NTN1: variants seen among roughly 807,000 people sequenced by gnomAD.
NTN1 encodes netrin-1.
Under a neutral mutation model 54.2 loss-of-function variants are expected in NTN1, and 11 were observed. The ratio of observed to expected loss-of-function variants is 0.20; its 90% confidence interval spans 0.13 to 0.34. NTN1 has a LOEUF of 0.34. Among genes scored for constraint, NTN1 ranks in the 10% least tolerant of loss-of-function variants. NTN1 has a pLI of 1.00. For missense variants in NTN1, 740 were observed against 893.1 expected, an observed-to-expected ratio of 0.83 and a Z score of 2.18; for synonymous variants, 371 against 382.0, an observed-to-expected ratio of 0.97 and a Z score of 0.33.
intron 2 of NTN1, among the ~76,000 whole-genome samples, chr17:9,103,770 G>T (rs1242146761): frequency 1.3e-5 from 2 of 151,910 alleles, no homozygotes; most frequent in East Asian, 3.9e-4. Flanking sequence ...GTTATGCTTG[G>T]TGAAAAAAGC....
the NTN1 span, among the ~76,000 whole-genome samples, chr17:9,007,282 CCCTT>C: frequency 9.4e-5 from 13 of 138,904 alleles, no homozygotes; most frequent in African/African-American, 3.0e-4. Context: ...TTTCTTTCAT[CCCTT>C]CCTTCCTTCT....
At chr17:9,055,064 G>A (rs1260018026) in intron 2 of NTN1, among the ~76,000 whole-genome samples, 4 of 152,174 alleles carry the variant, frequency 2.6e-5, no homozygotes, top group Non-Finnish European at 5.9e-5. Context: ...AGTAGAGGCT[G>A]GACTGGAATT....
At chr17:9,232,987 C>G (rs1387112524) in intron 6 of NTN1, among the ~76,000 whole-genome samples, 1 of 152,092 alleles carries the variant, frequency 6.6e-6, no homozygotes, top group East Asian at 1.9e-4. Context: ...TTCTCCCCCT[C>G]ATTTGTCCTG....
chr17:9,141,480 A>G (rs1415620810), intron 2 of NTN1, among the ~76,000 whole-genome samples: 2 of 152,144 alleles, frequency 1.3e-5, no homozygotes, highest in African/African-American at 2.4e-5. Flanking sequence ...AATATGGCAG[A>G]CTTAGGTGGC....
intron 2 of NTN1, among the ~76,000 whole-genome samples, chr17:9,082,060 T>TTTTG (rs1207274249): frequency 2.2e-4 from 34 of 152,108 alleles, no homozygotes; most frequent in African/African-American, 8.0e-4. Context: ...AATCTTGTTT[T>TTTTG]TTTGTTTGTT....
At chr17:9,150,092 A>G (rs1431007611) in intron 2 of NTN1, among the ~76,000 whole-genome samples, 2 of 151,976 alleles carry the variant, frequency 1.3e-5, no homozygotes, top group East Asian at 3.9e-4. Flanking sequence ...ATCCTCAGCT[A>G]CTTGGGAGGC....
chr17:9,128,079 T>G (rs550970944), intron 2 of NTN1, among the ~76,000 whole-genome samples: 1 of 151,994 alleles, frequency 6.6e-6, no homozygotes, highest in Non-Finnish European at 1.5e-5. Flanking sequence ...ATTGCGCCAC[T>G]GCACTCCAGC....
intron 2 of NTN1, among the ~76,000 whole-genome samples, chr17:9,131,350 T>C (rs1425685853): frequency 6.6e-6 from 1 of 152,208 alleles, no homozygotes; most frequent in African/African-American, 2.4e-5. Context: ...TTCTCTTCAA[T>C]CACGAGAAAC....
intron 2 of NTN1, among the ~76,000 whole-genome samples, chr17:9,117,771 C>CAAAAAA (rs11414930): frequency 7.9e-6 from 1 of 126,782 alleles, no homozygotes. Context: ...ACAAAAAAAC[C>CAAAAAA]AAAAAAAAAA....
intron 2 of NTN1, among the ~76,000 whole-genome samples, chr17:9,079,541 G>A (rs778937970): frequency 2.0e-5 from 3 of 152,220 alleles, no homozygotes; most frequent in Non-Finnish European, 4.4e-5. Context: ...TTCCCCAGCG[G>A]ACCTATTTTC....
chr17:9,115,890 G>C (rs943412473), intron 2 of NTN1, among the ~76,000 whole-genome samples: 1 of 152,256 alleles, frequency 6.6e-6, no homozygotes, highest in Admixed American at 6.5e-5. Context: ...AAGGGATTTC[G>C]TGTTTCTCCC....
intron 5 of NTN1, among the ~76,000 whole-genome samples, chr17:9,220,734 C>A (rs1250827425): frequency 6.6e-6 from 1 of 152,024 alleles, no homozygotes; most frequent in African/African-American, 2.4e-5. Context: ...GAGGCCTGAC[C>A]CCAGCCAGAG....
At chr17:9,202,133 C>G (rs1036956600) in intron 5 of NTN1, among the ~76,000 whole-genome samples, 4 of 144,264 alleles carry the variant, frequency 2.8e-5, no homozygotes, top group Non-Finnish European at 6.0e-5. Context: ...CCCAGCTACT[C>G]AGGAGGCTGA....
intron 2 of NTN1, among the ~76,000 whole-genome samples, chr17:9,154,543 T>A (rs4791803): frequency 6.6e-6 from 1 of 151,896 alleles, no homozygotes; most frequent in Admixed American, 6.6e-5. Context: ...AGGAGCCCTT[T>A]GAGAGGTTGG....
At chr17:9,213,836 T>C (rs544620030) in intron 5 of NTN1, among the ~76,000 whole-genome samples, 1 of 152,350 alleles carries the variant, frequency 6.6e-6, no homozygotes, top group South Asian at 2.1e-4. Flanking sequence ...TCCATGTCTC[T>C]TACTCAGTTT....
rs1452302783 is a variant in NTN1 at position 9,243,808 on chromosome 17, CTAATA to C, written c.*3843_*3847del. The C allele has an allele frequency of 3.5e-5, 5 of 143,660 alleles. No individual in the cohort carries two copies. Among genetic ancestry groups the C allele is most frequent in the African/African-American group, 7.8e-5 (3 of 38,270 alleles). 8.9% of individuals were successfully genotyped at this position (143,660 alleles called of 1,614,324 possible). A position where few individuals can be genotyped will look rare whatever the true frequency, so the allele number is the denominator to read the frequency against. ...GGTCAATGTCCCTTTCCAATGCATA[CTAATA>C]TATTATGGTTATTATATATGAATAT... On this transcript the variant is annotated 3_prime_UTR_variant, in exon 7 of 7. Coordinates refer to ENST00000173229, the MANE Select transcript of NTN1 (RefSeq NM_004822.3).
chr17:9,189,290 G>T (rs1904386439), intron 5 of NTN1, among the ~76,000 whole-genome samples: 1 of 152,198 alleles, frequency 6.6e-6, no homozygotes, highest in Non-Finnish European at 1.5e-5. Flanking sequence ...TCCCGGCCGT[G>T]GTTGCCTGGG....
chr17:9,062,760 C>T (rs954512553), intron 2 of NTN1, among the ~76,000 whole-genome samples: 4 of 152,136 alleles, frequency 2.6e-5, no homozygotes, highest in Non-Finnish European at 5.9e-5. Context: ...AAATTATGTT[C>T]GGGGATTACA....
chr17:9,093,392 T>C (rs1438704460), intron 2 of NTN1, among the ~76,000 whole-genome samples: 2 of 152,214 alleles, frequency 1.3e-5, no homozygotes, highest in African/African-American at 4.8e-5. Context: ...AGACAAGGTC[T>C]CACTCTGTTG....
Sources: gnomAD v4.1 joint callset for allele counts (sites outside exome capture counted in the v4.1 genomes callset) on GRCh38, gnomAD v4.1.1 for gene constraint, MANE v1.5 for transcripts, NCBI Gene and HGNC (gene_info 2026-07-23, HGNC 2026-07-21) for gene names.